Variants in IGSF5 observed in about 807,000 individuals in gnomAD.
IGSF5 encodes the protein immunoglobulin superfamily member 5.
IGSF5 carries 41 observed loss-of-function variants against 39.4 expected under a neutral mutation model. The observed-to-expected ratio is 1.04, with a 90% CI of 0.81 to 1.35. The LOEUF (loss-of-function observed/expected upper bound fraction) is 1.35. Ranked by LOEUF, IGSF5 falls within the 40% of genes most tolerant of loss-of-function variation. The probability of loss-of-function intolerance (pLI) is 0.00; values close to 1 mark genes in which losing one functional copy is unlikely to be tolerated. For synonymous variants in IGSF5, 183 were observed against 175.3 expected (o/e 1.04, Z -0.34); for missense variants, 487 against 494.6 (o/e 0.98, Z 0.15).
intron 6 of IGSF5, among the ~76,000 whole-genome samples, chr21:39,789,726 C>T (rs1053530631): frequency 2.0e-5 from 3 of 152,010 alleles, no homozygotes; most frequent in African/African-American, 7.3e-5. Flanking sequence ...TCTATAGTTC[C>T]AAAGTAATTA....
At position 39,754,763 on chromosome 21, in the gene IGSF5, G is replaced by A. The variant is rs372343547; in HGVS notation, c.100+8465G>A. Reference sequence around the variant, plus strand: ...AAGTCCTGTTCAGACTACCCCATAGGGATATTCATGAACAATACCCGGCAT... The same window carrying A: ...AAGTCCTGTTCAGACTACCCCATAGAGATATTCATGAACAATACCCGGCAT... On this transcript the variant is annotated intron_variant, in intron 2 of 8. Coordinates refer to ENST00000380588, the MANE Select transcript of IGSF5 (RefSeq NM_001080444.2). Among the ~76,000 whole-genome samples, 5 of 152,240 alleles carry A rather than the reference G, an allele frequency of 3.3e-5. No individual in the cohort carries two copies. The East Asian group carries it at 9.6e-4, about 29-fold the overall frequency.
the IGSF5 span, chr21:39,729,958 G>A: frequency 2.6e-5 from 4 of 152,254 alleles, 1 homozygote; most frequent in East Asian, 1.9e-4. Flanking sequence ...ACTGGAGGAG[G>A]TGTGAGTCCA....
chr21:39,734,437 A>AAAACAC, the IGSF5 span, among the ~76,000 whole-genome samples: 1 of 59,502 alleles, frequency 1.7e-5, no homozygotes, highest in African/African-American at 7.8e-5. Context: ...AAAAAAAAAA[A>AAAACAC]ATACACACAC....
At chr21:39,753,878 G>A (rs969733573) in intron 2 of IGSF5, among the ~76,000 whole-genome samples, 10 of 151,834 alleles carry the variant, frequency 6.6e-5, no homozygotes, top group Middle Eastern at 3.4e-3. Context: ...GAGTGCTTAG[G>A]TGTTAGCTGA....
At chr21:39,796,430 A>G (rs1003286025) in intron 8 of IGSF5, among the ~76,000 whole-genome samples, 2 of 152,216 alleles carry the variant, frequency 1.3e-5, no homozygotes, top group African/African-American at 4.8e-5. Flanking sequence ...TGTGAAAACA[A>G]TGCAGTCGTG....
rs148561421 is a variant in IGSF5 at position 39,759,760 on chromosome 21, G to A, written c.101-5775G>A. On this transcript the variant is annotated intron_variant, in intron 2 of 8. Transcript: ENST00000380588. ...CACGCAACTGTAGTCCCAGCTACTC[G>A]GGAGGCTGAGGCAGGAGAATTGCTT... 8.6e-3 allele frequency among the ~76,000 whole-genome samples: 1,307 copies of A among 151,928 alleles called. 8 individuals carry two copies. The highest frequency in any genetic ancestry group is 0.024 in the Middle Eastern group (7 of 294).
intron 3 of IGSF5, among the ~76,000 whole-genome samples, chr21:39,769,926 A>T (rs1441040545): frequency 6.6e-6 from 1 of 152,218 alleles, no homozygotes; most frequent in Non-Finnish European, 1.5e-5. Flanking sequence ...AGGTACTGAG[A>T]CCAAAGTGTT....
chr21:39,783,396 A>AAT lies in IGSF5; in HGVS notation c.934+4093_934+4094dup, dbSNP rs576410682. 4.4e-4 allele frequency among the ~76,000 whole-genome samples: 67 copies of AAT among 152,222 alleles called. No individual in the cohort carries two copies. In the East Asian group the frequency reaches 0.011, roughly 26 times the overall value. On this transcript the variant is annotated intron_variant, in intron 5 of 8. Transcript: ENST00000380588. ...CATTTTTATTTTTTGTCTTTTTGAT[A>AAT]ATAGCCATTCTAAGTAGGGTGAGAT... is the stretch of plus-strand genomic sequence containing the variant.
the IGSF5 span, among the ~76,000 whole-genome samples, chr21:39,737,380 A>G: frequency 6.6e-6 from 1 of 151,846 alleles, no homozygotes; most frequent in African/African-American, 2.4e-5. Flanking sequence ...CCATTCTGAC[A>G]TTTTCTACTT....
chr21:39,744,734 AC>A (rs781367937), upstream of IGSF5, among the ~76,000 whole-genome samples: 5 of 152,314 alleles, frequency 3.3e-5, no homozygotes, highest in East Asian at 9.7e-4. Context: ...TTAGTAAGCT[AC>A]CTCTTTGCTT....
intron 1 of IGSF5, 24 bp downstream of exon 1, chr21:39,745,550 T>A: frequency 5.6e-6 from 4 of 716,794 alleles, no homozygotes. Context: ...CGTGGGCGAC[T>A]GTTGAGTAGA....
intron 6 of IGSF5, among the ~76,000 whole-genome samples, chr21:39,788,518 T>C (rs2086938700): frequency 6.6e-6 from 1 of 152,234 alleles, no homozygotes; most frequent in South Asian, 2.1e-4. Flanking sequence ...TCCCGCCTGC[T>C]GTGGGCGGAG....
the IGSF5 span, among the ~76,000 whole-genome samples, chr21:39,735,361 G>A: frequency 2.0e-5 from 3 of 151,832 alleles, no homozygotes; most frequent in African/African-American, 7.3e-5. Context: ...AATTCATAAC[G>A]CTTAACTATG....
At chr21:39,741,082 T>A (rs1448521761), upstream of IGSF5, among the ~76,000 whole-genome samples, 1 of 152,084 alleles carries the variant, frequency 6.6e-6, no homozygotes, top group Non-Finnish European at 1.5e-5. Flanking sequence ...CTCTTAGAGC[T>A]ATTCATGTTT....
chr21:39,739,576 C>T, the IGSF5 span, among the ~76,000 whole-genome samples: 5,641 of 152,192 alleles, frequency 0.037, 342 homozygotes, highest in African/African-American at 0.13. Flanking sequence ...CTAGGAAATC[C>T]AGCTAGTCCT....
chr21:39,781,188 T>A (rs1461803153), intron 5 of IGSF5, among the ~76,000 whole-genome samples: 2 of 78,084 alleles, frequency 2.6e-5, no homozygotes, highest in African/African-American at 9.3e-5. Flanking sequence ...GACACGTGAA[T>A]ATTTTCTTAT....
chr21:39,739,781 C>T, the IGSF5 span, among the ~76,000 whole-genome samples: 1 of 152,226 alleles, frequency 6.6e-6, no homozygotes, highest in South Asian at 2.1e-4. Context: ...CGCGGTAGAT[C>T]TTAGTCATGG....
At chr21:39,787,212 C>A (rs939536559) in intron 5 of IGSF5, among the ~76,000 whole-genome samples, 19 of 152,210 alleles carry the variant, frequency 1.2e-4, no homozygotes, top group African/African-American at 4.6e-4. Context: ...AGGCATTCCC[C>A]TGTTGCTGGA....
chr21:39,735,259 T>G, the IGSF5 span, among the ~76,000 whole-genome samples: 5 of 152,320 alleles, frequency 3.3e-5, no homozygotes, highest in East Asian at 9.7e-4. Context: ...TGTCTTAAAA[T>G]TTTCCTCCTT....
Sources: gnomAD v4.1 joint callset for allele counts (sites outside exome capture counted in the v4.1 genomes callset) on GRCh38, gnomAD v4.1.1 for gene constraint, MANE v1.5 for transcripts, NCBI Gene and HGNC (gene_info 2026-07-23, HGNC 2026-07-21) for gene names.